The following FAM78B variants were observed in gnomAD, a reference collection of about 807,000 sequenced individuals.
FAM78B encodes family with sequence similarity 78 member B.
In FAM78B, 10 loss-of-function variants were observed where a neutral mutation model predicts 20.0. The ratio of observed to expected loss-of-function variants is 0.50; its 90% CI spans 0.31 to 0.85. The LOEUF is 0.85. Ranked by LOEUF, FAM78B falls within the 40% of genes least tolerant of loss-of-function variation. FAM78B has a pLI of 0.05. For missense variants in FAM78B, 283 were observed against 345.0 expected (o/e 0.82, Z 1.42); for synonymous variants, 135 against 132.8 (o/e 1.02, Z -0.12).
At chr1:166,134,742 A>C (rs1655010412) in intron 1 of FAM78B, among the ~76,000 whole-genome samples, 1 of 152,274 alleles carries the variant, frequency 6.6e-6, no homozygotes, top group East Asian at 1.9e-4. Flanking sequence ...TCGTAACGAT[A>C]ACTTAAAACG....
rs111482625 is a variant in FAM78B, at chr1:166,132,117, T to A, written c.263+33869A>T. Among the ~76,000 whole-genome samples, 129 of 152,370 alleles carry A rather than the reference T, an allele frequency of 8.5e-4. 1 individual carries two copies. Among genetic ancestry groups the A allele is most frequent in the African/African-American group, 2.8e-3 (117 of 41,594 alleles). The stretch of plus-strand genomic sequence containing the variant: ...AGTAAGAGCAACAGGCTATGAAGAC[T>A]GGAAACATATTAGCTGTCATCATAA... On this transcript the variant is annotated intron_variant, in intron 1 of 1. Transcript: ENST00000354422.
At chr1:166,104,868 T>C (rs1226106514) in intron 1 of FAM78B, among the ~76,000 whole-genome samples, 1 of 152,128 alleles carries the variant, frequency 6.6e-6, no homozygotes, top group Non-Finnish European at 1.5e-5. Flanking sequence ...AAAGTTCATA[T>C]GGAACTAAAA....
intron 1 of FAM78B, among the ~76,000 whole-genome samples, chr1:166,084,223 ACACACACACACACACTCTCT>A: frequency 2.2e-5 from 3 of 134,528 alleles, no homozygotes; most frequent in Non-Finnish European, 4.8e-5. Flanking sequence ...ACACACACAC[ACACACACACACACACTCTCT>A]CTCTCTCTCT....
chr1:166,071,181 C>T (rs1015152921), intron 1 of FAM78B, among the ~76,000 whole-genome samples: 1 of 152,104 alleles, frequency 6.6e-6, no homozygotes, highest in Non-Finnish European at 1.5e-5. Context: ...ACTTGGAAGG[C>T]AGTATCTGGT....
At chr1:166,132,484 G>GACA (rs536168944) in intron 1 of FAM78B, among the ~76,000 whole-genome samples, 193 of 152,294 alleles carry the variant, frequency 1.3e-3, no homozygotes, top group Non-Finnish European at 1.9e-3. Flanking sequence ...AGATGTTTGT[G>GACA]AAGTGCAAAA....
intron 1 of FAM78B, among the ~76,000 whole-genome samples, chr1:166,088,430 A>T (rs1652924398): frequency 6.6e-6 from 1 of 152,106 alleles, no homozygotes; most frequent in Non-Finnish European, 1.5e-5. Flanking sequence ...GGGCAGAAAG[A>T]GCACTGGGTT....
At chr1:166,104,760 G>A (rs376400993) in intron 1 of FAM78B, among the ~76,000 whole-genome samples, 2 of 152,156 alleles carry the variant, frequency 1.3e-5, no homozygotes, top group South Asian at 2.1e-4. Flanking sequence ...AATCAACATC[G>A]TGAAAATGGC....
At chr1:166,142,977 T>C (rs940446127) in intron 1 of FAM78B, among the ~76,000 whole-genome samples, 5 of 152,154 alleles carry the variant, frequency 3.3e-5, no homozygotes, top group African/African-American at 9.7e-5. Flanking sequence ...TAAGAGGCCA[T>C]AGAGCCCAGT....
chr1:166,165,507 C>T (rs1656333162), intron 1 of FAM78B, among the ~76,000 whole-genome samples: 1 of 152,158 alleles, frequency 6.6e-6, no homozygotes. Flanking sequence ...TACCAACTCC[C>T]GCTCGGATGC....
intron 1 of FAM78B, among the ~76,000 whole-genome samples, chr1:166,109,523 G>T (rs1159420343): frequency 6.6e-6 from 1 of 151,416 alleles, no homozygotes; most frequent in African/African-American, 2.4e-5. Flanking sequence ...ATGGTGGTGT[G>T]GATGCGGTGA....
At chr1:166,067,252 T>G (rs1413090965), downstream of FAM78B, among the ~76,000 whole-genome samples, 1 of 152,154 alleles carries the variant, frequency 6.6e-6, no homozygotes, top group Admixed American at 6.5e-5. Context: ...GGTATACCAT[T>G]CTGAATAGAT....
intron 1 of FAM78B, among the ~76,000 whole-genome samples, chr1:166,077,561 C>G (rs915026794): frequency 6.9e-6 from 1 of 145,900 alleles, no homozygotes; most frequent in Non-Finnish European, 1.5e-5. Context: ...CAATGTCTCT[C>G]TCTCTATATA....
chr1:166,096,834 G>T (rs1653296858), intron 1 of FAM78B, among the ~76,000 whole-genome samples: 2 of 152,202 alleles, frequency 1.3e-5, no homozygotes, highest in South Asian at 4.1e-4. Context: ...AAAAGAAAAA[G>T]AATGGGGCGA....
intron 1 of FAM78B, among the ~76,000 whole-genome samples, chr1:166,089,368 C>A (rs909394654): frequency 6.6e-6 from 1 of 152,136 alleles, no homozygotes; most frequent in Non-Finnish European, 1.5e-5. Flanking sequence ...TAGTGGTATT[C>A]CATCAGCGTG....
At chr1:166,158,880 G>A (rs922648205) in intron 1 of FAM78B, among the ~76,000 whole-genome samples, 1 of 152,250 alleles carries the variant, frequency 6.6e-6, no homozygotes, top group Non-Finnish European at 1.5e-5. Flanking sequence ...AGGATGCTCT[G>A]CTACTGCTAA....
At chr1:166,083,782 G>A (rs1266281649) in intron 1 of FAM78B, among the ~76,000 whole-genome samples, 3 of 147,022 alleles carry the variant, frequency 2.0e-5, no homozygotes, top group Admixed American at 1.4e-4. Context: ...GATTACAGGC[G>A]TGAGCCACGC....
At chr1:166,132,832 T>G (rs967386389) in intron 1 of FAM78B, among the ~76,000 whole-genome samples, 3 of 152,232 alleles carry the variant, frequency 2.0e-5, no homozygotes, top group African/African-American at 7.2e-5. Context: ...AAACAGTGAC[T>G]TGAGTTACAG....
chr1:166,119,576 C>T (rs1006017350), intron 1 of FAM78B, among the ~76,000 whole-genome samples: 7 of 152,178 alleles, frequency 4.6e-5, no homozygotes, highest in South Asian at 2.1e-4. Context: ...AGTTGAAAGC[C>T]GACCCCACTT....
downstream of FAM78B, among the ~76,000 whole-genome samples, chr1:166,068,205 C>G (rs937766142): frequency 3.3e-5 from 5 of 152,130 alleles, no homozygotes; most frequent in African/African-American, 1.2e-4. Flanking sequence ...CTAATTCAGT[C>G]TGGGGGAGAG....
Sources: gnomAD v4.1 joint callset for allele counts (sites outside exome capture counted in the v4.1 genomes callset) on GRCh38, gnomAD v4.1.1 for gene constraint, MANE v1.5 for transcripts, NCBI Gene and HGNC (gene_info 2026-07-23, HGNC 2026-07-21) for gene names.